NRG1: variants seen among roughly 807,000 people sequenced by gnomAD.
The protein encoded by NRG1 is neuregulin 1.
In NRG1, 18 loss-of-function variants were observed where a neutral mutation model predicts 63.8. That is an observed-to-expected ratio of 0.28 (90% CI 0.19 to 0.42). The LOEUF is 0.42. NRG1 is among the 10% of genes least tolerant of loss of function. The pLI, the probability that NRG1 is intolerant of heterozygous loss-of-function variation, is 1.00. For synonymous variants in NRG1, 302 were observed against 301.3 expected (o/e 1.00, Z -0.02); for missense variants, 762 against 814.7 (o/e 0.94, Z 0.79).
intron 1 of NRG1, among the ~76,000 whole-genome samples, chr8:32,302,474 G>A (rs542191656): frequency 6.6e-6 from 1 of 152,228 alleles, no homozygotes; most frequent in Non-Finnish European, 1.5e-5. Flanking sequence ...GTTGCATGCA[G>A]AGAGTAGTCT....
intron 1 of NRG1, among the ~76,000 whole-genome samples, chr8:32,187,517 A>G (rs1179744426): frequency 1.3e-5 from 2 of 152,190 alleles, no homozygotes; most frequent in East Asian, 3.9e-4. Context: ...TGATCCCTGG[A>G]GTCAGGGCAT....
intron 1 of NRG1, among the ~76,000 whole-genome samples, chr8:31,694,033 A>C (rs1055173286): frequency 1.3e-5 from 2 of 151,944 alleles, no homozygotes; most frequent in African/African-American, 4.8e-5. Flanking sequence ...TGTAGAAATG[A>C]GGTTTTACCA....
At chr8:31,995,098 G>A (rs907128558) in intron 1 of NRG1, among the ~76,000 whole-genome samples, 1 of 151,714 alleles carries the variant, frequency 6.6e-6, no homozygotes, top group African/African-American at 2.4e-5. Context: ...CCATGTAAGG[G>A]GACTATCTTA....
chr8:32,018,172 G>T (rs1815862462), intron 1 of NRG1, among the ~76,000 whole-genome samples: 1 of 152,132 alleles, frequency 6.6e-6, no homozygotes, highest in Admixed American at 6.5e-5. Flanking sequence ...TTTTCTAAGT[G>T]AAGTTAAAAA....
At chr8:32,487,237 T>A (rs1826019633) in intron 1 of NRG1, among the ~76,000 whole-genome samples, 1 of 151,176 alleles carries the variant, frequency 6.6e-6, no homozygotes. Context: ...AAAGCAGAAG[T>A]TGGGTAAAAA....
chr8:32,386,454 A>C (rs1313705264), intron 1 of NRG1, among the ~76,000 whole-genome samples: 1 of 152,196 alleles, frequency 6.6e-6, no homozygotes, highest in Admixed American at 6.5e-5. Context: ...TGCTCATTCT[A>C]TGATGGTGCC....
intron 1 of NRG1, among the ~76,000 whole-genome samples, chr8:32,039,422 G>A (rs1431394065): frequency 6.6e-6 from 1 of 152,146 alleles, no homozygotes; most frequent in African/African-American, 2.4e-5. Context: ...TGTTTGCTTA[G>A]TCTCTCAGAT....
At chr8:32,021,237 T>A (rs1947735) in intron 1 of NRG1, among the ~76,000 whole-genome samples, 36,091 of 152,106 alleles carry the variant, frequency 0.24, 5,175 homozygotes, top group East Asian at 0.66. Flanking sequence ...AAGAAGTTTG[T>A]TTAGCTCACA....
At chr8:32,268,134 C>A (rs972429695) in intron 1 of NRG1, among the ~76,000 whole-genome samples, 1 of 152,148 alleles carries the variant, frequency 6.6e-6, no homozygotes, top group Non-Finnish European at 1.5e-5. Context: ...TCCAACTGAG[C>A]CACCAAAGAA....
intron 1 of NRG1, among the ~76,000 whole-genome samples, chr8:32,452,575 G>A (rs550066979): frequency 1.3e-5 from 2 of 152,198 alleles, no homozygotes; most frequent in South Asian, 2.1e-4. Context: ...GATAAATTGG[G>A]GCTTAATTGT....
At chr8:32,318,550 C>G (rs1801026374) in intron 1 of NRG1, among the ~76,000 whole-genome samples, 1 of 152,094 alleles carries the variant, frequency 6.6e-6, no homozygotes, top group South Asian at 2.1e-4. Context: ...GTGTCCTTAC[C>G]CCTGGTCCAA....
intron 1 of NRG1, among the ~76,000 whole-genome samples, chr8:31,879,632 T>C (rs574885083): frequency 1.3e-5 from 2 of 152,314 alleles, no homozygotes; most frequent in South Asian, 2.1e-4. Context: ...TGGGGGTTTG[T>C]TGTACATATT....
chr8:31,878,797 C>T (rs1032234020), intron 1 of NRG1, among the ~76,000 whole-genome samples: 2 of 152,124 alleles, frequency 1.3e-5, no homozygotes, highest in South Asian at 2.1e-4. Context: ...ATAAAGGCTT[C>T]GCTTACTTCC....
intron 7 of NRG1, chr8:32,748,915 A>C (rs1828108837): frequency 3.8e-6 from 1 of 264,580 alleles, no homozygotes; most frequent in African/African-American, 2.3e-5. Context: ...CTTTCTGTGA[A>C]TGAAACAGAC....
chr8:32,103,842 G>A (rs181318460), intron 1 of NRG1, among the ~76,000 whole-genome samples: 1 of 152,148 alleles, frequency 6.6e-6, no homozygotes, highest in Non-Finnish European at 1.5e-5. Flanking sequence ...AAAGGAGGTA[G>A]GGTTGGAGGC....
chr8:32,228,771 T>C (rs1038698718), intron 1 of NRG1, among the ~76,000 whole-genome samples: 11 of 152,216 alleles, frequency 7.2e-5, no homozygotes, highest in Admixed American at 2.6e-4. Flanking sequence ...TTGTGACATA[T>C]ATACGTGTCT....
chr8:32,557,828 T>C (rs1033476433), intron 1 of NRG1, among the ~76,000 whole-genome samples: 1 of 152,324 alleles, frequency 6.6e-6, no homozygotes, highest in East Asian at 1.9e-4. Flanking sequence ...GAAAATGAAA[T>C]ACATGATTTT....
intron 9 of NRG1, among the ~76,000 whole-genome samples, 177 bp from the exon 10 acceptor site, chr8:32,759,129 C>T (rs1472646510): frequency 6.6e-6 from 1 of 151,852 alleles, no homozygotes; most frequent in Non-Finnish European, 1.5e-5. Context: ...CCACAGTAGC[C>T]AGGACAGGAT....
At chr8:32,049,250 T>A (rs1273895572) in intron 1 of NRG1, among the ~76,000 whole-genome samples, 1 of 152,150 alleles carries the variant, frequency 6.6e-6, no homozygotes, top group Non-Finnish European at 1.5e-5. Context: ...CAGGCATTGC[T>A]TGTATTTAAT....
Sources: gnomAD v4.1 joint callset for allele counts (sites outside exome capture counted in the v4.1 genomes callset) on GRCh38, gnomAD v4.1.1 for gene constraint, MANE v1.5 for transcripts, NCBI Gene and HGNC (gene_info 2026-07-23, HGNC 2026-07-21) for gene names.